The following NCK2 variants were observed in gnomAD, a reference collection of about 807,000 sequenced individuals.
NCK2 encodes NCK adaptor protein 2, also known as cytoplasmic protein NCK2.
Under a neutral mutation model 33.9 loss-of-function variants are expected in NCK2, and 16 were observed. That is an observed-to-expected ratio of 0.47 (90% CI 0.32 to 0.72). The LOEUF (loss-of-function observed/expected upper bound fraction) is 0.72. Ranked by LOEUF, NCK2 falls within the 30% of genes least tolerant of loss-of-function variation. NCK2 has a pLI of 0.03. For synonymous variants in NCK2, 273 were observed against 239.9 expected, an observed-to-expected ratio of 1.14 and a Z score of -1.27; for missense variants, 418 against 537.3, an observed-to-expected ratio of 0.78 and a Z score of 2.19.
intron 1 of NCK2, among the ~76,000 whole-genome samples, chr2:105,784,400 T>C (rs1215398733): frequency 6.6e-6 from 1 of 152,206 alleles, no homozygotes; most frequent in Non-Finnish European, 1.5e-5. Flanking sequence ...GGGGAGAGTT[T>C]AATTTGCTTA....
intron 2 of NCK2, among the ~76,000 whole-genome samples, chr2:105,850,468 C>A (rs952368850): frequency 1.3e-5 from 2 of 152,274 alleles, no homozygotes; most frequent in East Asian, 3.9e-4. Flanking sequence ...GTTCTGAGAG[C>A]TGTTTTTCCA....
At chr2:105,767,469 T>C (rs1689987020) in intron 1 of NCK2, among the ~76,000 whole-genome samples, 1 of 152,230 alleles carries the variant, frequency 6.6e-6, no homozygotes, top group Non-Finnish European at 1.5e-5. Flanking sequence ...TGTTACTCTT[T>C]GTGGTTACAG....
intron 1 of NCK2, among the ~76,000 whole-genome samples, chr2:105,800,934 T>G (rs1450148415): frequency 1.3e-5 from 2 of 152,158 alleles, no homozygotes; most frequent in Non-Finnish European, 2.9e-5. Context: ...CCCTTTAGTA[T>G]TCTTTGAGGG....
chr2:105,836,893 G>A (rs1676457112), intron 2 of NCK2, among the ~76,000 whole-genome samples: 2 of 152,210 alleles, frequency 1.3e-5, no homozygotes, highest in Admixed American at 1.3e-4. Context: ...AGCATGAATG[G>A]TCTTTCTAGA....
chr2:105,827,465 G>A (rs1269755158), intron 2 of NCK2, among the ~76,000 whole-genome samples: 1 of 152,138 alleles, frequency 6.6e-6, no homozygotes, highest in Non-Finnish European at 1.5e-5. Flanking sequence ...TACACAGAAA[G>A]TCAGCAGGGC....
At chr2:105,813,825 A>AT (rs1675379937) in intron 1 of NCK2, among the ~76,000 whole-genome samples, 1 of 152,234 alleles carries the variant, frequency 6.6e-6, no homozygotes, top group Non-Finnish European at 1.5e-5. Context: ...ATTTTGTAGT[A>AT]TTAAGGATCC....
At chr2:105,761,098 G>C (rs1381810175) in intron 1 of NCK2, among the ~76,000 whole-genome samples, 1 of 152,134 alleles carries the variant, frequency 6.6e-6, no homozygotes, top group Non-Finnish European at 1.5e-5. Flanking sequence ...CTCATAGATG[G>C]GGGCCAGAGT....
In NCK2 at chr2:105,892,970, T is replaced by C. The variant is rs1679052201; in HGVS notation, c.949-12T>C. 6.2e-7 allele frequency: 1 copy of C among 1,600,188 alleles called. No individual in the cohort carries two copies. Among genetic ancestry groups the C allele is most frequent in the Non-Finnish European group, 8.6e-7 (1 of 1,169,212 alleles). ...GTGGCCCGGCTGTAACTGTGTTCTG[T>C]TTCCTCCCCAGCCCAGCGACTTCTC... On this transcript the variant is annotated splice_polypyrimidine_tract_variant and intron_variant, in intron 4 of 4. Coordinates refer to ENST00000233154, the MANE Select transcript of NCK2 (RefSeq NM_003581.5).
At chr2:105,872,446 G>A (rs1215719238) in intron 3 of NCK2, among the ~76,000 whole-genome samples, 5 of 152,086 alleles carry the variant, frequency 3.3e-5, no homozygotes, top group South Asian at 2.1e-4. Context: ...CGTGTCCTGC[G>A]GGACCGAAAG....
At chr2:105,767,488 G>A (rs1020391932) in intron 1 of NCK2, among the ~76,000 whole-genome samples, 16 of 152,200 alleles carry the variant, frequency 1.1e-4, no homozygotes, top group Non-Finnish European at 7.3e-5. Flanking sequence ...AGTAGAGGTT[G>A]GCAAAGTGGC....
intron 1 of NCK2, among the ~76,000 whole-genome samples, chr2:105,803,301 T>C (rs1181883431): frequency 6.6e-6 from 1 of 152,202 alleles, no homozygotes; most frequent in East Asian, 1.9e-4. Flanking sequence ...CTGTTTTTTA[T>C]AGGCACGTTT....
chr2:105,766,742 C>T (rs1465285439), intron 1 of NCK2, among the ~76,000 whole-genome samples: 2 of 152,260 alleles, frequency 1.3e-5, no homozygotes, highest in Non-Finnish European at 2.9e-5. Flanking sequence ...AGCCCTGGCT[C>T]TGTCCCCAGA....
rs115738500 is a variant in NCK2 at position 105,875,799 on chromosome 2, A to G, written c.227-5529A>G. On this transcript the variant is annotated intron_variant, in intron 3 of 4. Transcript: ENST00000233154. ...GTCAGTTGGTTTACAGTATTTTGTT[A>G]TAGGCGCCTGAACCAATTAAGATAC... Among the ~76,000 whole-genome samples the G allele has an allele frequency of 6.5e-3, 993 of 152,342 alleles. 12 individuals carry two copies. Among genetic ancestry groups the G allele is most frequent in the African/African-American group, 0.022 (934 of 41,580 alleles).
chr2:105,892,987 C>A lies in NCK2; in HGVS notation c.954C>A (p.Ser318Arg), dbSNP rs748686837. The A allele has an allele frequency of 6.2e-7, 1 of 1,605,426 alleles. No homozygotes were observed. Among genetic ancestry groups the A allele is most frequent in the African/African-American group, 1.3e-5 (1 of 74,892 alleles). Reference protein sequence around the residue: ...FLIRDSESSPSDFSVSLKASG... With the variant: ...FLIRDSESSPRDFSVSLKASG... The stretch of plus-strand genomic sequence containing the variant: ...GTGTTCTGTTTCCTCCCCAGCCCAG[C>A]GACTTCTCCGTGTCCCTTAAAGCGT... Residue 318 changes from serine to arginine, a missense_variant, in exon 5 of 5, where the codon AGC (serine) becomes AGA (arginine). By Grantham distance (110) the Ser-to-Arg change is moderately radical. Coordinates refer to ENST00000233154, the MANE Select transcript of NCK2 (RefSeq NM_003581.5).
intron 1 of NCK2, among the ~76,000 whole-genome samples, chr2:105,778,464 C>A (rs1247431742): frequency 1.3e-5 from 2 of 152,194 alleles, no homozygotes; most frequent in Non-Finnish European, 2.9e-5. Flanking sequence ...CTGCCCTTAA[C>A]ACTGTGTGCA....
chr2:105,826,207 G>A (rs1048928810), intron 2 of NCK2, among the ~76,000 whole-genome samples: 1 of 152,204 alleles, frequency 6.6e-6, no homozygotes, highest in South Asian at 2.1e-4. Flanking sequence ...GCAAGAAGAA[G>A]TTCTGAGCAA....
intron 2 of NCK2, among the ~76,000 whole-genome samples, chr2:105,848,945 A>G (rs1322606158): frequency 6.6e-6 from 1 of 152,218 alleles, no homozygotes; most frequent in East Asian, 1.9e-4. Context: ...TACTAACTGA[A>G]CTCTAAACCA....
In NCK2 at chr2:105,869,706, G is replaced by A. The variant is rs568541241; in HGVS notation, c.227-11622G>A. Among the ~76,000 whole-genome samples, 72 of 152,268 alleles carry A rather than the reference G, an allele frequency of 4.7e-4. No individual in the cohort carries two copies. The South Asian group carries it at 7.5e-3, about 16-fold the overall frequency. ...ACTTTAAGCAGTGCTCCAGAATGCCGTGTCTCATCCTTGCCGCGTCTTGTA... is the reference window on the plus strand; with the variant it reads ...ACTTTAAGCAGTGCTCCAGAATGCCATGTCTCATCCTTGCCGCGTCTTGTA... On this transcript the variant is annotated intron_variant, in intron 3 of 4. Transcript: ENST00000233154.
chr2:105,888,792 A>C (rs1234146923), intron 4 of NCK2, among the ~76,000 whole-genome samples: 1 of 152,152 alleles, frequency 6.6e-6, no homozygotes, highest in East Asian at 1.9e-4. Context: ...GAGTACATTC[A>C]GGCAGCCCTA....
Sources: gnomAD v4.1 joint callset for allele counts (sites outside exome capture counted in the v4.1 genomes callset) on GRCh38, gnomAD v4.1.1 for gene constraint, MANE v1.5 for transcripts, NCBI Gene and HGNC (gene_info 2026-07-23, HGNC 2026-07-21) for gene names.